Variants in ABCA3 observed in about 807,000 individuals in gnomAD.
ABCA3 encodes the protein phospholipid-transporting ATPase ABCA3.
ABCA3 carries 88 observed loss-of-function variants against 172.8 expected under a neutral mutation model. The observed-to-expected ratio is 0.51, with a 90% CI of 0.43 to 0.61. The LOEUF (loss-of-function observed/expected upper bound fraction) is 0.61, where lower values mean the gene tolerates loss of function less well. ABCA3 is among the 20% of genes least tolerant of loss of function. The pLI, the probability that ABCA3 is intolerant of heterozygous loss-of-function variation, is 0.00. For synonymous variants in ABCA3, 1,066 were observed against 983.8 expected (o/e 1.08, Z -1.56); for missense variants, 2,164 against 2,301.0 (o/e 0.94, Z 1.22).
intron 1 of ABCA3, chr16:2,332,697 G>A: frequency 6.4e-7 from 1 of 1,561,642 alleles, no homozygotes. Flanking sequence ...CCACAGCTGT[G>A]GCTGTCTTCT....
intron 1 of ABCA3, among the ~76,000 whole-genome samples, chr16:2,337,356 G>GAA (rs1015244700): frequency 6.9e-6 from 1 of 144,988 alleles, no homozygotes; most frequent in Non-Finnish European, 1.5e-5. Flanking sequence ...CAGTACACAT[G>GAA]AAAAAAAAAG....
rs1214257700 is a variant in ABCA3 at position 2,277,785 on chromosome 16, G to A, written c.4909+94C>T. The A allele has an allele frequency of 1.4e-5, 23 of 1,590,868 alleles. No individual in the cohort carries two copies. The highest frequency in any genetic ancestry group is 3.4e-5 in the South Asian group (3 of 89,214). ...AGGGATTGGGGAGATGGGACTTGGCGGGGCGAGGCACAGACGCTCCGCACA... is the reference window on the plus strand; with the variant it reads ...AGGGATTGGGGAGATGGGACTTGGCAGGGCGAGGCACAGACGCTCCGCACA... On this transcript the variant is annotated intron_variant, in intron 31 of 32. Coordinates refer to ENST00000301732, the MANE Select transcript of ABCA3 (RefSeq NM_001089.3). The surrounding 1 kb of genome is among the most constrained non-coding windows in gnomAD (Gnocchi z 5.3).
intron 8 of ABCA3, among the ~76,000 whole-genome samples, 153 bp downstream of exon 8, chr16:2,319,428 T>TGAGCC (rs1285123944): frequency 6.7e-6 from 1 of 149,842 alleles, no homozygotes; most frequent in Admixed American, 6.7e-5. Flanking sequence ...GAGCTTGCAG[T>TGAGCC]GAGCCGAGAT....
At chr16:2,314,778 G>C (rs1318922450) in intron 10 of ABCA3, among the ~76,000 whole-genome samples, 1 of 150,562 alleles carries the variant, frequency 6.6e-6, no homozygotes, top group East Asian at 2.0e-4. Flanking sequence ...GTTTCTCCAT[G>C]TTAGTCAGGC....
intron 3 of ABCA3, among the ~76,000 whole-genome samples, chr16:2,327,531 G>C (rs1023416741): frequency 6.6e-6 from 1 of 152,160 alleles, no homozygotes; most frequent in South Asian, 2.1e-4. Flanking sequence ...TGCAGGGAAG[G>C]GGAAAGGAGG....
In ABCA3 at chr16:2,281,669, T is replaced by C. The variant is rs2093655476; in HGVS notation, c.4036-160A>G. Among the ~76,000 whole-genome samples, 1 of 152,134 alleles carries C rather than the reference T, an allele frequency of 6.6e-6. No homozygotes were observed. The highest frequency in any genetic ancestry group is 2.4e-5 in the African/African-American group (1 of 41,416). On this transcript the variant is annotated intron_variant, in intron 26 of 32. Transcript: ENST00000301732. The surrounding 1 kb of genome is among the most constrained non-coding windows in gnomAD (Gnocchi z 4.7). ...CCCCACAGGTGCGACTCAGACCTTT[T>C]ACTAGAAGACACAGTGGTCTTACGG... is the stretch of plus-strand genomic sequence containing the variant.
chr16:2,300,435 T>C (rs1464236653), intron 12 of ABCA3, among the ~76,000 whole-genome samples: 1 of 152,078 alleles, frequency 6.6e-6, no homozygotes, highest in Non-Finnish European at 1.5e-5. Flanking sequence ...GTTTGTCAGC[T>C]ATGAAATTTC....
chr16:2,303,322 C>T (rs1056927044), intron 12 of ABCA3, among the ~76,000 whole-genome samples: 16 of 149,060 alleles, frequency 1.1e-4, no homozygotes, highest in East Asian at 2.0e-4. Context: ...AGTGCAATGG[C>T]GCGATCTTGG....
intron 11 of ABCA3, among the ~76,000 whole-genome samples, chr16:2,306,797 C>T (rs1316502827): frequency 6.6e-6 from 1 of 151,976 alleles, no homozygotes; most frequent in African/African-American, 2.4e-5. Flanking sequence ...GGGCGGATCA[C>T]AAGGTCAGAA....
At chr16:2,316,490 CAAAAAAAAAAAAAAAAAA>C (rs71148128) in intron 10 of ABCA3, among the ~76,000 whole-genome samples, 59 of 28,870 alleles carry the variant, frequency 2.0e-3, no homozygotes, top group African/African-American at 5.4e-3. Flanking sequence ...ACTAAAAATG[CAAAAAAAAAAAAAAAAAA>C]AAAAAAAAAA....
In ABCA3 at chr16:2,279,003, T is replaced by C. The variant is rs759278376; in HGVS notation, c.4487A>G (p.Glu1496Gly). The change falls in exon 29 of 33, where the codon GAG (glutamate) becomes GGG (glycine). Residue 1496 changes from glutamate (E) to glycine (G), a missense_variant. Around this residue, in one of 3 missense-constraint regions of ABCA3, gnomAD observed 795 missense variants for 881.9 expected, o/e 0.90. Transcript: ENST00000301732. This position sits in a 1 kb window ranked among gnomAD's most constrained non-coding sequence, Gnocchi z 4.4. Reference sequence around the variant, plus strand: ...CAGCAGCAGGCCCCGCAGAGTGTTCTCCACGCAGGCCCCGATGTGGCGCTC... The same window carrying C: ...CAGCAGCAGGCCCCGCAGAGTGTTCCCCACGCAGGCCCCGATGTGGCGCTC... Reference protein sequence around the residue: ...IPERHIGACVENTLRGLLLEP... With the variant: ...IPERHIGACVGNTLRGLLLEP... 9.3e-6 allele frequency: 15 copies of C among 1,613,454 alleles called. No individual in the cohort carries two copies. Among genetic ancestry groups the C allele is most frequent in the Non-Finnish European group, 1.3e-5 (15 of 1,180,040 alleles).
chr16:2,276,838 G>A (rs2093647195), intron 32 of ABCA3, 33 bp from the exon 33 acceptor site: 1 of 1,612,878 alleles, frequency 6.2e-7, no homozygotes, highest in Non-Finnish European at 8.5e-7. Context: ...TGGTAGGAGA[G>A]AACAGGGCCC....
At chr16:2,308,732 C>T in intron 10 of ABCA3, 109 bp from the exon 11 acceptor site, 1 of 1,264,860 alleles carries the variant, frequency 7.9e-7, no homozygotes, top group South Asian at 1.3e-5. Flanking sequence ...GCCACCCAAC[C>T]TGCTCCTGGC....
At chr16:2,314,482 C>G (rs2093711666) in intron 10 of ABCA3, among the ~76,000 whole-genome samples, 2 of 151,602 alleles carry the variant, frequency 1.3e-5, no homozygotes, top group South Asian at 4.2e-4. Context: ...CAGTGTTTCA[C>G]AGGGACTGTT....
chr16:2,340,251 A>C (rs999001177), intron 1 of ABCA3, among the ~76,000 whole-genome samples: 2 of 152,044 alleles, frequency 1.3e-5, no homozygotes, highest in African/African-American at 2.4e-5. Flanking sequence ...GGCCGTGCCG[A>C]GTCTCCGCAG....
intron 17 of ABCA3, among the ~76,000 whole-genome samples, chr16:2,296,276 G>A (rs1212874587): frequency 6.6e-6 from 1 of 151,760 alleles, no homozygotes; most frequent in East Asian, 1.9e-4. Flanking sequence ...TGTCACCCAG[G>A]CTGGAGTGCA....
intron 1 of ABCA3, among the ~76,000 whole-genome samples, chr16:2,331,114 T>C (rs2093742468): frequency 6.6e-6 from 1 of 152,138 alleles, no homozygotes; most frequent in South Asian, 2.1e-4. Context: ...ACTTCCAACT[T>C]CATACAAGTT....
chr16:2,324,518 G>T lies in ABCA3; in HGVS notation c.333C>A (p.Pro111=). 1.2e-6 allele frequency: 2 copies of T among 1,610,262 alleles called. No individual in the cohort carries two copies. The highest frequency in any genetic ancestry group is 1.1e-5 in the South Asian group (1 of 91,074). The part of the protein sequence containing the change: ...LVINMRVRGF[P]SEKDFEDYIR... ...TGTAGTCCTCAAAGTCCTTCTCGGA[G>T]GGAAAGCCGCGCACTGCAAAGAGAG... The change falls in exon 6 of 33, where the codon CCC becomes CCA. Residue 111 remains proline, a synonymous_variant. Transcript: ENST00000301732.
chr16:2,286,696 G>A lies in ABCA3; in HGVS notation c.3276C>T (p.Asn1092=), dbSNP rs775577205. ...SALQAAKDQF[N]EGRKGFDIAL... ...ACAGGGACGGGCAGTGCACATACTCGTTAAACTGGTCCTTGGCAGCCTGCA... is the reference window on the plus strand; with the variant it reads ...ACAGGGACGGGCAGTGCACATACTCATTAAACTGGTCCTTGGCAGCCTGCA... Residue 1092 remains asparagine (N), a splice_region_variant and synonymous_variant, in exon 22 of 33, where the codon AAC becomes AAT. Transcript: ENST00000301732. This position sits in a 1 kb window ranked among gnomAD's most constrained non-coding sequence, Gnocchi z 5.2. 1.2e-5 allele frequency: 19 copies of A among 1,612,996 alleles called. No individual in the cohort carries two copies. In the Middle Eastern group the frequency reaches 5.4e-4, roughly 46 times the overall value.
Sources: gnomAD v4.1 joint callset for allele counts (sites outside exome capture counted in the v4.1 genomes callset) on GRCh38, gnomAD v4.1.1 for gene constraint, gnomAD v4.1.1 regional missense constraint, Gnocchi (gnomAD v3.1) non-coding constraint, MANE v1.5 for transcripts, NCBI Gene and HGNC (gene_info 2026-07-23, HGNC 2026-07-21) for gene names.